Variants in SEMA3A observed in about 807,000 individuals in gnomAD.
The protein encoded by SEMA3A is semaphorin 3A, also known as semaphorin-3A.
Under a neutral mutation model 97.9 loss-of-function variants are expected in SEMA3A, and 29 were observed. The ratio of observed to expected loss-of-function variants is 0.30; its 90% CI spans 0.22 to 0.40. The LOEUF is 0.40. Among genes scored for constraint, SEMA3A ranks in the 10% least tolerant of loss-of-function variants. The pLI is 1.00. For missense variants in SEMA3A, 763 were observed against 951.3 expected, an observed-to-expected ratio of 0.80 and a Z score of 2.60; for synonymous variants, 321 against 323.7, an observed-to-expected ratio of 0.99 and a Z score of 0.09.
chr7:83,961,316 C>T lies in SEMA3A; in HGVS notation c.*55G>A. On this transcript the variant is annotated 3_prime_UTR_variant, in exon 17 of 17. Transcript: ENST00000265362. The stretch of plus-strand genomic sequence containing the variant: ...TTCATGTATATTGCATTTGTTTTTC[C>T]AGTTATTGTCTAGGCAAGTTTCTAC... 7.1e-7 allele frequency: 1 copy of T among 1,409,056 alleles called. No individual in the cohort carries two copies. The highest frequency in any genetic ancestry group is 1.4e-5 in the African/African-American group (1 of 70,024). 87.3% of individuals were successfully genotyped at this position (1,409,056 alleles called of 1,614,324 possible). A position where few individuals can be genotyped will look rare whatever the true frequency, so the allele number is the denominator to read the frequency against.
At chr7:84,209,375 A>G (rs1295680687) in intron 3 of SEMA3A, among the ~76,000 whole-genome samples, 4 of 152,178 alleles carry the variant, frequency 2.6e-5, no homozygotes, top group Non-Finnish European at 5.9e-5. Flanking sequence ...CATAGATTAT[A>G]TTATTAAATA....
At chr7:84,448,654 T>C (rs1805486040) in intron 1 of SEMA3A, among the ~76,000 whole-genome samples, 1 of 151,854 alleles carries the variant, frequency 6.6e-6, no homozygotes, top group South Asian at 2.1e-4. Context: ...ATTTCTACAA[T>C]GAACATTAAA....
intron 1 of SEMA3A, among the ~76,000 whole-genome samples, chr7:84,458,347 A>G (rs1432768554): frequency 6.6e-6 from 1 of 152,098 alleles, no homozygotes; most frequent in Non-Finnish European, 1.5e-5. Context: ...TTCATGTTCA[A>G]AAACATCTTC....
chr7:84,124,782 A>C (rs1318236240), intron 3 of SEMA3A, among the ~76,000 whole-genome samples: 1 of 152,152 alleles, frequency 6.6e-6, no homozygotes, highest in Non-Finnish European at 1.5e-5. Flanking sequence ...CAAAAATTGC[A>C]TCTGTAAATT....
At chr7:84,430,789 T>TTGTGTGTGTGTGTGTGTG (rs56814153) in intron 1 of SEMA3A, among the ~76,000 whole-genome samples, 35 of 143,432 alleles carry the variant, frequency 2.4e-4, no homozygotes, top group African/African-American at 8.1e-4. Flanking sequence ...AACATAAAAT[T>TTGTGTGTGTGTGTGTGTG]TGTGTGTGTG....
chr7:84,468,592 A>G (rs1188985862), intron 1 of SEMA3A, among the ~76,000 whole-genome samples: 1 of 152,114 alleles, frequency 6.6e-6, no homozygotes, highest in Non-Finnish European at 1.5e-5. Flanking sequence ...GATATCTGTA[A>G]CTTTTACCAC....
chr7:84,173,169 C>G (rs376133459), intron 1 of SEMA3A, among the ~76,000 whole-genome samples: 100 of 152,218 alleles, frequency 6.6e-4, no homozygotes, highest in African/African-American at 2.2e-3. Context: ...AAGTTTCTCT[C>G]TTGTGGGCCT....
intron 2 of SEMA3A, among the ~76,000 whole-genome samples, chr7:84,370,332 C>G (rs950718444): frequency 6.6e-6 from 1 of 151,664 alleles, no homozygotes; most frequent in Admixed American, 6.6e-5. Context: ...TTCATAGCTC[C>G]AGAGCCTCAT....
At chr7:84,417,575 T>A (rs1435103844) in intron 1 of SEMA3A, among the ~76,000 whole-genome samples, 1 of 152,142 alleles carries the variant, frequency 6.6e-6, no homozygotes, top group Non-Finnish European at 1.5e-5. Flanking sequence ...TGACTTTACC[T>A]AATACTATGG....
chr7:84,215,217 C>T (rs1026217697), intron 3 of SEMA3A, among the ~76,000 whole-genome samples: 2 of 151,376 alleles, frequency 1.3e-5, no homozygotes, highest in Admixed American at 1.3e-4. Context: ...TGGAGTTTTA[C>T]TCTTGTTGCC....
At chr7:84,440,541 T>A (rs2116339050) in intron 1 of SEMA3A, among the ~76,000 whole-genome samples, 1 of 152,294 alleles carries the variant, frequency 6.6e-6, no homozygotes, top group Middle Eastern at 3.4e-3. Flanking sequence ...CTTTCTTTTT[T>A]TCTTTTTGTT....
intron 3 of SEMA3A, among the ~76,000 whole-genome samples, chr7:84,240,522 C>A (rs28521462): frequency 6.6e-6 from 1 of 151,944 alleles, no homozygotes. Context: ...GAAAGGGCCA[C>A]GAGAGAGGGA....
rs77270508 is a variant in SEMA3A at position 84,287,832 on chromosome 7, G to A, written c.-83+19375C>T. Among the ~76,000 whole-genome samples the A allele has an allele frequency of 6.2e-3, 936 of 152,120 alleles. 44 individuals carry two copies. In the East Asian group the frequency reaches 0.12, roughly 19 times the overall value. On this transcript the variant is annotated intron_variant, in intron 3 of 3. Coordinates refer to the SEMA3A transcript ENST00000424555. ...GTACTTTTGTGGTTTGCATTAGAAA[G>A]TTCTTATAAGACAATGAGAAGGACT...
At chr7:84,104,329 T>C (rs1003723741) in intron 4 of SEMA3A, among the ~76,000 whole-genome samples, 1 of 152,136 alleles carries the variant, frequency 6.6e-6, no homozygotes, top group African/African-American at 2.4e-5. Context: ...TACCTGGCAA[T>C]AGGTATGCTA....
chr7:84,304,687 G>A (rs1801108968), intron 3 of SEMA3A, among the ~76,000 whole-genome samples: 1 of 151,994 alleles, frequency 6.6e-6, no homozygotes, highest in Non-Finnish European at 1.5e-5. Flanking sequence ...ACACACCTTG[G>A]AATTCCAGTG....
intron 4 of SEMA3A, among the ~76,000 whole-genome samples, chr7:84,076,653 C>G (rs1215236883): frequency 1.3e-5 from 2 of 152,110 alleles, no homozygotes; most frequent in Non-Finnish European, 2.9e-5. Flanking sequence ...TCATGTTACA[C>G]TATTAACATA....
chr7:84,333,832 G>C (rs1310959412), intron 2 of SEMA3A, among the ~76,000 whole-genome samples: 1 of 151,996 alleles, frequency 6.6e-6, no homozygotes, highest in African/African-American at 2.4e-5. Context: ...GGGCATCAGG[G>C]AAGTTATTTT....
At chr7:84,374,975 T>C (rs1000355778) in intron 1 of SEMA3A, among the ~76,000 whole-genome samples, 4 of 152,092 alleles carry the variant, frequency 2.6e-5, no homozygotes, top group Non-Finnish European at 5.9e-5. Context: ...GAAGCATAAA[T>C]TGGTACTTCA....
chr7:84,277,131 G>A (rs1418341475), intron 3 of SEMA3A, among the ~76,000 whole-genome samples: 4 of 152,078 alleles, frequency 2.6e-5, no homozygotes, highest in Non-Finnish European at 5.9e-5. Flanking sequence ...ACAGTTGTAT[G>A]AGTCTTTGAA....
Sources: allele counts gnomAD v4.1 joint callset (sites outside exome capture counted in the v4.1 genomes callset), GRCh38; gene constraint gnomAD v4.1.1; transcripts MANE v1.5; gene names NCBI Gene and HGNC (gene_info 2026-07-23, HGNC 2026-07-21).